SLC30A8: variants seen among roughly 807,000 people sequenced by gnomAD.
SLC30A8 encodes solute carrier family 30 member 8.
SLC30A8 carries 27 observed loss-of-function variants against 36.9 expected under a neutral mutation model. The observed-to-expected ratio is 0.73, with a 90% CI of 0.54 to 1.01. The LOEUF (loss-of-function observed/expected upper bound fraction) is 1.01, where lower values mean the gene tolerates loss of function less well. SLC30A8 is among the 50% of genes least tolerant of loss of function. The probability of loss-of-function intolerance (pLI) is 0.00; values close to 1 mark genes in which losing one functional copy is unlikely to be tolerated. For missense variants in SLC30A8, 439 were observed against 452.0 expected (o/e 0.97, Z 0.26); for synonymous variants, 164 against 172.4 (o/e 0.95, Z 0.38).
At chr8:117,091,220 G>A (rs556811191) in intron 2 of SLC30A8, among the ~76,000 whole-genome samples, 9 of 152,250 alleles carry the variant, frequency 5.9e-5, no homozygotes, top group Admixed American at 3.3e-4. Context: ...AGAAAGCCAA[G>A]GCTCTCTTAA....
chr8:117,018,668 C>CA (rs1202916091), intron 1 of SLC30A8, among the ~76,000 whole-genome samples: 1 of 121,664 alleles, frequency 8.2e-6, no homozygotes, highest in Non-Finnish European at 1.7e-5. Flanking sequence ...GACTAGCCCC[C>CA]CCCCCCCTTT....
At chr8:117,012,021 CT>C (rs1363184436) in intron 1 of SLC30A8, among the ~76,000 whole-genome samples, 2 of 152,088 alleles carry the variant, frequency 1.3e-5, no homozygotes, top group African/African-American at 4.8e-5. Context: ...ATTTTGTGTA[CT>C]TAGCTTACTT....
intron 6 of SLC30A8, among the ~76,000 whole-genome samples, chr8:117,164,548 TG>T (rs1280650737): frequency 1.6e-4 from 25 of 152,300 alleles, no homozygotes; most frequent in Admixed American, 4.6e-4. Context: ...TACTGCAGCC[TG>T]GGTGACAGAG....
rs112177599 is a variant in SLC30A8 at position 116,999,995 on chromosome 8, A to G, written c.-265-39224A>G. Among the ~76,000 whole-genome samples, 804 of 152,304 alleles carry G rather than the reference A, an allele frequency of 5.3e-3. 7 individuals carry two copies. Among genetic ancestry groups the G allele is most frequent in the African/African-American group, 0.018 (758 of 41,552 alleles). On this transcript the variant is annotated intron_variant, in intron 1 of 10. Transcript: ENST00000427715. ...GACCTAACATGGCCCTGGGCATTTT[A>G]GTCTTTGGGAGATCCTTAGTGGAAA...
intron 2 of SLC30A8, among the ~76,000 whole-genome samples, chr8:117,045,971 A>C (rs1433259294): frequency 1.3e-5 from 2 of 150,994 alleles, no homozygotes; most frequent in Non-Finnish European, 2.9e-5. Context: ...AAACTGACAG[A>C]AGAAAATATC....
At chr8:117,148,394 G>T (rs1448876039) in intron 2 of SLC30A8, among the ~76,000 whole-genome samples, 1 of 151,962 alleles carries the variant, frequency 6.6e-6, no homozygotes, top group African/African-American at 2.4e-5. Flanking sequence ...ATAAATAGCA[G>T]GGTCTGTTTC....
intron 2 of SLC30A8, among the ~76,000 whole-genome samples, chr8:117,124,863 A>G (rs376541924): frequency 2.6e-5 from 4 of 151,906 alleles, no homozygotes; most frequent in South Asian, 2.1e-4. Context: ...ATCCATACCC[A>G]AAACCTCAAC....
intron 2 of SLC30A8, among the ~76,000 whole-genome samples, chr8:117,066,527 T>C (rs1818176683): frequency 6.6e-6 from 1 of 152,150 alleles, no homozygotes; most frequent in South Asian, 2.1e-4. Flanking sequence ...CATCCTGACC[T>C]CACACTCACT....
intron 1 of SLC30A8, among the ~76,000 whole-genome samples, chr8:117,003,579 G>A (rs111660755): frequency 0.014 from 2,178 of 152,272 alleles, 59 homozygotes; most frequent in African/African-American, 0.05. Context: ...TTCTGCTGCC[G>A]TTCTTTTGTA....
chr8:116,984,143 A>C (rs558123924), intron 1 of SLC30A8, among the ~76,000 whole-genome samples: 1 of 152,258 alleles, frequency 6.6e-6, no homozygotes, highest in African/African-American at 2.4e-5. Context: ...TCACAAATTC[A>C]TTCCTTTTTA....
intron 2 of SLC30A8, among the ~76,000 whole-genome samples, chr8:117,097,717 A>G (rs1259007537): frequency 4.9e-5 from 2 of 41,156 alleles, no homozygotes; most frequent in Admixed American, 9.0e-4. Flanking sequence ...TAAATAATAT[A>G]TATTATATAT....
intron 4 of SLC30A8, 60 bp from the exon 5 acceptor site, chr8:117,161,678 T>TG (rs1822796079): frequency 4.0e-6 from 6 of 1,517,170 alleles, no homozygotes; most frequent in Admixed American, 1.9e-5. Context: ...TTCTCCATTA[T>TG]GCTGCCTACG....
chr8:117,083,361 C>T (rs1304386463), intron 2 of SLC30A8, among the ~76,000 whole-genome samples: 7 of 152,172 alleles, frequency 4.6e-5, no homozygotes, highest in African/African-American at 1.7e-4. Flanking sequence ...CCACTTTACT[C>T]AAGGTCATAA....
At chr8:116,985,790 G>A (rs1815424130) in intron 1 of SLC30A8, among the ~76,000 whole-genome samples, 1 of 152,136 alleles carries the variant, frequency 6.6e-6, no homozygotes, top group Admixed American at 6.5e-5. Context: ...TATCTGAGAA[G>A]CAAGAAATGC....
intron 2 of SLC30A8, among the ~76,000 whole-genome samples, chr8:117,100,037 A>AT (rs34388141): frequency 0.039 from 5,885 of 152,250 alleles, 358 homozygotes; most frequent in African/African-American, 0.13. Context: ...TACCACATCT[A>AT]TAAAAATGCA....
At chr8:117,037,507 C>T (rs943731339) in intron 1 of SLC30A8, among the ~76,000 whole-genome samples, 2 of 152,028 alleles carry the variant, frequency 1.3e-5, no homozygotes, top group African/African-American at 4.8e-5. Flanking sequence ...ACCACTGCCC[C>T]CCTCACCCAC....
intron 1 of SLC30A8, among the ~76,000 whole-genome samples, chr8:116,970,072 A>G (rs12548648): frequency 0.78 from 119,238 of 151,900 alleles, 47,396 homozygotes; most frequent in African/African-American, 0.93. Flanking sequence ...TAAAACACAC[A>G]TTACTCCAAT....
chr8:117,010,179 A>G (rs1466435755), intron 1 of SLC30A8, among the ~76,000 whole-genome samples: 1 of 152,226 alleles, frequency 6.6e-6, no homozygotes, highest in Non-Finnish European at 1.5e-5. Flanking sequence ...AGAAGACCCC[A>G]TGAGAGCTTT....
At chr8:117,003,007 TAGTC>T (rs1209717112) in intron 1 of SLC30A8, among the ~76,000 whole-genome samples, 1 of 152,214 alleles carries the variant, frequency 6.6e-6, no homozygotes, top group Non-Finnish European at 1.5e-5. Flanking sequence ...CAGTAGATAA[TAGTC>T]AGAAGTATTC....
Sources: allele counts gnomAD v4.1 joint callset (sites outside exome capture counted in the v4.1 genomes callset), GRCh38; gene constraint gnomAD v4.1.1; transcripts MANE v1.5; gene names NCBI Gene and HGNC (gene_info 2026-07-23, HGNC 2026-07-21).